ATP13A4: variants seen among roughly 807,000 people sequenced by gnomAD.
ATP13A4 encodes the protein ATPase 13A4, also known as probable cation-transporting ATPase 13A4.
ATP13A4 carries 114 observed loss-of-function variants against 142.5 expected under a neutral mutation model. The observed-to-expected ratio is 0.80, with a 90% confidence interval of 0.69 to 0.93. The LOEUF is 0.93. Among genes scored for constraint, ATP13A4 ranks in the 40% least tolerant of loss-of-function variants. ATP13A4 has a pLI of 0.00. For synonymous variants in ATP13A4, 488 were observed against 514.8 expected, an observed-to-expected ratio of 0.95 and a Z score of 0.70; for missense variants, 1,392 against 1,454.0, an observed-to-expected ratio of 0.96 and a Z score of 0.69.
chr3:193,528,978 T>C (rs890635548), intron 1 of ATP13A4, among the ~76,000 whole-genome samples: 1 of 152,096 alleles, frequency 6.6e-6, no homozygotes, highest in African/African-American at 2.4e-5. Context: ...CTTTTAAAAA[T>C]TGATTTGGCA....
intron 8 of ATP13A4, among the ~76,000 whole-genome samples, chr3:193,476,844 T>G (rs1230789757): frequency 1.3e-5 from 2 of 152,068 alleles, no homozygotes; most frequent in African/African-American, 2.4e-5. Context: ...CTATCTTACA[T>G]GAGCATGGTT....
intron 25 of ATP13A4, among the ~76,000 whole-genome samples, chr3:193,417,712 G>A (rs546595426): frequency 1.2e-4 from 17 of 137,120 alleles, no homozygotes; most frequent in Admixed American, 2.7e-4. Context: ...TTGGCCAGGC[G>A]CGGTGGCTCA....
rs566612066 is a variant in ATP13A4, at chr3:193,540,047, G to A, written c.60+14693C>T. On this transcript the variant is annotated intron_variant, in intron 1 of 29. Transcript: ENST00000342695. ...CACAATCAAGCTTTTATTAAAGAACGAGTACTACCATTGTGACCACAGAAG... is the reference window on the plus strand; with the variant it reads ...CACAATCAAGCTTTTATTAAAGAACAAGTACTACCATTGTGACCACAGAAG... Among the ~76,000 whole-genome samples the A allele has an allele frequency of 1.1e-4, 16 of 152,126 alleles. No individual in the cohort carries two copies. The East Asian group carries it at 2.9e-3, about 28-fold the overall frequency.
chr3:193,465,594 T>TAA (rs113815313), intron 11 of ATP13A4, among the ~76,000 whole-genome samples: 3 of 151,924 alleles, frequency 2.0e-5, no homozygotes, highest in African/African-American at 7.3e-5. Flanking sequence ...CAAATAGCAA[T>TAA]AAAAAACCCA....
chr3:193,454,025 C>A (rs1000664306), intron 17 of ATP13A4, 76 bp downstream of exon 17: 4 of 1,263,692 alleles, frequency 3.2e-6, no homozygotes, highest in South Asian at 1.2e-5. Flanking sequence ...CCATCCCAGT[C>A]TAATGCACTT....
chr3:193,534,485 A>C (rs181956982), intron 1 of ATP13A4, among the ~76,000 whole-genome samples: 50 of 152,178 alleles, frequency 3.3e-4, no homozygotes, highest in African/African-American at 1.1e-3. Context: ...TTACAAGCAC[A>C]CTTAAATGAA....
intron 2 of ATP13A4, among the ~76,000 whole-genome samples, chr3:193,575,336 T>C (rs1426245184): frequency 6.6e-6 from 1 of 152,178 alleles, no homozygotes; most frequent in East Asian, 1.9e-4. Context: ...GGAGGAGGCT[T>C]TTCTGTATAG....
intron 1 of ATP13A4, among the ~76,000 whole-genome samples, chr3:193,534,411 CAG>C (rs1722486968): frequency 6.6e-6 from 1 of 151,698 alleles, no homozygotes; most frequent in Non-Finnish European, 1.5e-5. Flanking sequence ...ACCAAGGTAA[CAG>C]AGAGATGTTA....
At chr3:193,432,111 A>C (rs1716016681) in intron 25 of ATP13A4, among the ~76,000 whole-genome samples, 1 of 87,380 alleles carries the variant, frequency 1.1e-5, no homozygotes, top group South Asian at 4.4e-4. Flanking sequence ...GGAATGATCT[A>C]GTAAACAAGA....
At chr3:193,445,429 C>G (rs1716890290) in intron 18 of ATP13A4, among the ~76,000 whole-genome samples, 1 of 149,946 alleles carries the variant, frequency 6.7e-6, no homozygotes, top group Admixed American at 6.7e-5. Flanking sequence ...CAGTGAGACT[C>G]TGTCTCAAAA....
At chr3:193,519,622 T>C (rs1721604439) in intron 1 of ATP13A4, among the ~76,000 whole-genome samples, 2 of 147,464 alleles carry the variant, frequency 1.4e-5, no homozygotes, top group African/African-American at 2.5e-5. Context: ...ATTTGCAATT[T>C]GTAATTTTTT....
intron 27 of ATP13A4, among the ~76,000 whole-genome samples, chr3:193,411,818 G>C (rs1714779611): frequency 6.6e-6 from 1 of 152,178 alleles, no homozygotes; most frequent in African/African-American, 2.4e-5. Context: ...GCAAGAGACA[G>C]GATCCACTTG....
chr3:193,520,005 CTTTAA>C (rs1268889059), intron 1 of ATP13A4, among the ~76,000 whole-genome samples: 1 of 152,028 alleles, frequency 6.6e-6, no homozygotes, highest in Non-Finnish European at 1.5e-5. Flanking sequence ...TACAACGAGG[CTTTAA>C]TTTATGTCAT....
At chr3:193,528,743 A>T (rs1722150059) in intron 1 of ATP13A4, among the ~76,000 whole-genome samples, 1 of 152,210 alleles carries the variant, frequency 6.6e-6, no homozygotes. Context: ...AAATAAAAAT[A>T]CAAATAAAAA....
chr3:193,529,010 A>G (rs924554886), intron 1 of ATP13A4, among the ~76,000 whole-genome samples: 2 of 152,144 alleles, frequency 1.3e-5, no homozygotes, highest in Non-Finnish European at 1.5e-5. Context: ...AGTGGCTCAC[A>G]CCTGTAATCC....
At chr3:193,462,852 C>T (rs977720134) in intron 12 of ATP13A4, 29 bp from the exon 13 acceptor site, 3 of 1,610,614 alleles carry the variant, frequency 1.9e-6, no homozygotes, top group Non-Finnish European at 2.5e-6. Context: ...TCCATTTACT[C>T]TGAAGATCCA....
At chr3:193,415,313 G>A (rs79807532) in intron 25 of ATP13A4, among the ~76,000 whole-genome samples, 8,904 of 152,190 alleles carry the variant, frequency 0.059, 478 homozygotes, top group East Asian at 0.18. Flanking sequence ...AAATGGTGAA[G>A]TAGGCAGCTC....
chr3:193,465,142 A>G lies in ATP13A4; in HGVS notation c.1273-14T>C, dbSNP rs747935072. 1 of 1,612,588 alleles carries G rather than the reference A, an allele frequency of 6.2e-7. No individual in the cohort carries two copies. ...CTCTGGAGGTTCCTGGACGACAGTC[A>G]TTCTTTAATTATTACAGACAAATCT... On this transcript the variant is annotated splice_polypyrimidine_tract_variant and intron_variant, in intron 11 of 29. Coordinates refer to ENST00000342695, the MANE Select transcript of ATP13A4 (RefSeq NM_032279.4).
intron 1 of ATP13A4, among the ~76,000 whole-genome samples, chr3:193,550,598 G>A (rs9825325): frequency 0.084 from 12,857 of 152,156 alleles, 611 homozygotes; most frequent in Admixed American, 0.13. Flanking sequence ...GAGCCATGGC[G>A]CGCAGCCTGC....
Sources: gnomAD v4.1 joint callset for allele counts (sites outside exome capture counted in the v4.1 genomes callset) on GRCh38, gnomAD v4.1.1 for gene constraint, MANE v1.5 for transcripts, NCBI Gene and HGNC (gene_info 2026-07-23, HGNC 2026-07-21) for gene names.